ADAMTSL5: variants seen among roughly 807,000 people sequenced by gnomAD.
ADAMTSL5 encodes ADAMTS-like protein 5.
ADAMTSL5 carries 53 observed loss-of-function variants against 51.7 expected under a neutral mutation model. That is an observed-to-expected ratio of 1.03 (90% confidence interval 0.82 to 1.29). The LOEUF is 1.29. ADAMTSL5 is among the 50% of genes most tolerant of loss of function. ADAMTSL5 has a pLI of 0.00. For synonymous variants in ADAMTSL5, 285 were observed against 278.7 expected (o/e 1.02, Z -0.23); for missense variants, 770 against 676.2 (o/e 1.14, Z -1.54).
At position 1,507,394 on chromosome 19, in the gene ADAMTSL5, C is replaced by T. The variant is rs551571832; in HGVS notation, c.700G>A (p.Gly234Ser). ...CCATTAAGCACGTAGCGCCCATCGC[C>T]CCCCATCAGTGCTGCAAGGGAACAG... Reference protein sequence around the residue: ...RSRNHLALMGGDGRYVLNGHW... With the variant: ...RSRNHLALMGSDGRYVLNGHW... The change falls in exon 9 of 12, where the codon GGC becomes AGC. Residue 234 changes from glycine (G) to serine (S), a missense_variant. Coordinates refer to ENST00000330475, the MANE Select transcript of ADAMTSL5 (RefSeq NM_213604.3). The T allele has an allele frequency of 2.2e-5, 35 of 1,575,522 alleles. No individual in the cohort carries two copies. The South Asian group carries it at 3.3e-4, about 15-fold the overall frequency.
chr19:1,510,785 A>T, intron 2 of ADAMTSL5, 55 bp from the exon 3 acceptor site: 1 of 1,523,616 alleles, frequency 6.6e-7, no homozygotes, highest in South Asian at 1.2e-5. Context: ...TGGTGACCCC[A>T]CACTGCTGAC....
At position 1,507,212 on chromosome 19, in the gene ADAMTSL5, C is replaced by T. The variant is rs775177551; in HGVS notation, c.852+30G>A. The T allele has an allele frequency of 5.9e-6, 9 of 1,523,470 alleles. No homozygotes were observed. The East Asian group carries it at 1.4e-4, about 23-fold the overall frequency. The allele number at this position is 1,523,470 out of a possible 1,614,324, so 94.4% of individuals were successfully genotyped here. ...TCTCCCCTCTGTCCCCAGCCGACCCCCTCTGACCCTGTTGGAGGCCCAGTG... is the reference window on the plus strand; with the variant it reads ...TCTCCCCTCTGTCCCCAGCCGACCCTCTCTGACCCTGTTGGAGGCCCAGTG... On this transcript the variant is annotated intron_variant, in intron 9 of 11. Coordinates refer to ENST00000330475, the MANE Select transcript of ADAMTSL5 (RefSeq NM_213604.3).
At chr19:1,508,664 A>G in intron 5 of ADAMTSL5, 94 bp from the exon 6 acceptor site, 1 of 1,417,234 alleles carries the variant, frequency 7.1e-7, no homozygotes. Flanking sequence ...CTTTGGGCAG[A>G]TGAAGCCCAG....
At chr19:1,511,485 G>C (rs1224374333) in intron 1 of ADAMTSL5, 7 of 1,086,970 alleles carry the variant, frequency 6.4e-6, no homozygotes, top group Non-Finnish European at 6.9e-6. Context: ...CAATATTATT[G>C]ATATGTGTAT....
rs1276915048 is a variant in ADAMTSL5 at position 1,505,030 on chromosome 19, A to G, written c.*985T>C. ...CTGTACACACCCAGAACTTAAAGTA[A>G]AATTTTTTTTTAAAAAGTGCTTGTA... On this transcript the variant is annotated 3_prime_UTR_variant, in exon 12 of 12. Coordinates refer to ENST00000330475, the MANE Select transcript of ADAMTSL5 (RefSeq NM_213604.3). 1 of 152,164 alleles carries G rather than the reference A, an allele frequency of 6.6e-6. No individual in the cohort carries two copies. Among genetic ancestry groups the G allele is most frequent in the Non-Finnish European group, 1.5e-5 (1 of 68,056 alleles). 9.4% of individuals were successfully genotyped at this position (152,164 alleles called of 1,614,324 possible).
rs183102790 is a variant in ADAMTSL5, at chr19:1,510,626, G to C, written c.191+13C>G. 2 of 1,528,022 alleles carry C rather than the reference G, an allele frequency of 1.3e-6. No homozygotes were observed. Among genetic ancestry groups the C allele is most frequent in the Admixed American group, 4.1e-5 (2 of 48,914 alleles). 94.7% of individuals were successfully genotyped at this position (1,528,022 alleles called of 1,614,324 possible). On this transcript the variant is annotated intron_variant, in intron 3 of 11. Coordinates refer to ENST00000330475, the MANE Select transcript of ADAMTSL5 (RefSeq NM_213604.3). ...GGGAGGAGGGGCAGGGACCCCCTCC[G>C]GGCCCCGCTCACCGGAGGCAGCGCC...
rs1240423143 is a variant in ADAMTSL5, at chr19:1,507,635, C to T, written c.610G>A (p.Ala204Thr). The change falls in exon 8 of 12, where the codon GCT becomes ACT. Residue 204 changes from alanine to threonine, a missense_variant. Physicochemically the swap from Ala to Thr is moderately conservative, Grantham distance 58. Coordinates refer to ENST00000330475, the MANE Select transcript of ADAMTSL5 (RefSeq NM_213604.3). ...QRVFRDAGAF[A>T]GYWNVTLIPE... The stretch of plus-strand genomic sequence containing the variant: ...ATCAGGGTCACGTTCCAGTACCCAG[C>T]GAAGGCACCTGGGTGGGAGGGTAGG... The T allele has an allele frequency of 3.1e-6, 5 of 1,613,466 alleles. No homozygotes were observed. Among genetic ancestry groups the T allele is most frequent in the Admixed American group, 3.3e-5 (2 of 60,006 alleles).
At position 1,506,509 on chromosome 19, in the gene ADAMTSL5, G is replaced by A. The variant is rs1399689951; in HGVS notation, c.1114+81C>T. 10 of 1,525,584 alleles carry A rather than the reference G, an allele frequency of 6.6e-6. No individual in the cohort carries two copies. The highest frequency in any genetic ancestry group is 8.1e-6 in the Non-Finnish European group (9 of 1,115,678). 94.5% of individuals were successfully genotyped at this position (1,525,584 alleles called of 1,614,324 possible). A position where few individuals can be genotyped will look rare whatever the true frequency, so the allele number is the denominator to read the frequency against. ...ATTAGGATCAGAAGAAGGGGTCAAG[G>A]GTAAAGTCAGATTAGGGTCAGAGGT... On this transcript the variant is annotated intron_variant, in intron 11 of 11. Transcript: ENST00000330475. The surrounding 1 kb of genome is among the most constrained non-coding windows in gnomAD (Gnocchi z 5.6).
In ADAMTSL5 at chr19:1,505,227, G is replaced by A; in HGVS notation, c.*788C>T. On this transcript the variant is annotated 3_prime_UTR_variant, in exon 12 of 12. Coordinates refer to ENST00000330475, the MANE Select transcript of ADAMTSL5 (RefSeq NM_213604.3). ...TACAAAAAATTTAAAAGTTAGCCGG[G>A]CATGGTGATTCACACCTGGAGTTCC... is the stretch of plus-strand genomic sequence containing the variant. The A allele has an allele frequency of 6.6e-6, 1 of 152,354 alleles. No individual in the cohort carries two copies. 9.4% of individuals were successfully genotyped at this position (152,354 alleles called of 1,614,324 possible).
At position 1,506,673 on chromosome 19, in the gene ADAMTSL5, G is replaced by A. The variant is rs1912943608; in HGVS notation, c.1043-12C>T. 1 of 1,597,002 alleles carries A rather than the reference G, an allele frequency of 6.3e-7. No homozygotes were observed. Among genetic ancestry groups the A allele is most frequent in the South Asian group, 1.1e-5 (1 of 87,956 alleles). On this transcript the variant is annotated splice_polypyrimidine_tract_variant and intron_variant, in intron 10 of 11. Coordinates refer to ENST00000330475, the MANE Select transcript of ADAMTSL5 (RefSeq NM_213604.3). This position sits in a 1 kb window ranked among gnomAD's most constrained non-coding sequence, Gnocchi z 5.6. ...GGGTGGGCAGGGGTCTGTGGGATGG[G>A]CGGTGCTGTGAGGGGCACAGGCCTC...
chr19:1,507,423 G>A lies in ADAMTSL5; in HGVS notation c.689-18C>T, dbSNP rs1321324544. On this transcript the variant is annotated intron_variant, in intron 8 of 11. Coordinates refer to ENST00000330475, the MANE Select transcript of ADAMTSL5 (RefSeq NM_213604.3). ...CATCAGTGCTGCAAGGGAACAGTCAGCCCTCAGGAACCTGTCGTCTCGTCT... is the reference window on the plus strand; with the variant it reads ...CATCAGTGCTGCAAGGGAACAGTCAACCCTCAGGAACCTGTCGTCTCGTCT... 1.3e-6 allele frequency: 2 copies of A among 1,586,942 alleles called. No homozygotes were observed. Among genetic ancestry groups the A allele is most frequent in the Admixed American group, 1.7e-5 (1 of 58,094 alleles).
In ADAMTSL5 at chr19:1,506,398, T is replaced by C; in HGVS notation, c.1115-82A>G. 17 of 1,500,770 alleles carry C rather than the reference T, an allele frequency of 1.1e-5. No homozygotes were observed. The South Asian group carries it at 2.1e-4, about 19-fold the overall frequency. The allele number at this position is 1,500,770 out of a possible 1,614,324, so 93.0% of individuals were successfully genotyped here. A position where few individuals can be genotyped will look rare whatever the true frequency, so the allele number is the denominator to read the frequency against. On this transcript the variant is annotated intron_variant, in intron 11 of 11. Transcript: ENST00000330475. The surrounding 1 kb of genome is among the most constrained non-coding windows in gnomAD (Gnocchi z 5.6). ...CCCCCTCCCTTGCCAGAAGAGGGAC[T>C]GAGGGTCAGGTGGGACCTCGGGATC...
At position 1,505,846 on chromosome 19, in the gene ADAMTSL5, A is replaced by T; in HGVS notation, c.*169T>A. On this transcript the variant is annotated 3_prime_UTR_variant, in exon 12 of 12. Transcript: ENST00000330475. ...CTGCCGGCTTGTGACAGTGGCTTTGACTGCATGCAGAGGTGTCTTAAGCGT... is the reference window on the plus strand; with the variant it reads ...CTGCCGGCTTGTGACAGTGGCTTTGTCTGCATGCAGAGGTGTCTTAAGCGT... 1 of 821,050 alleles carries T rather than the reference A, an allele frequency of 1.2e-6. No homozygotes were observed. 50.9% of individuals were successfully genotyped at this position (821,050 alleles called of 1,614,324 possible).
In ADAMTSL5 at chr19:1,506,691, C is replaced by G; in HGVS notation, c.1043-30G>C. 1 of 1,578,848 alleles carries G rather than the reference C, an allele frequency of 6.3e-7. No homozygotes were observed. Among genetic ancestry groups the G allele is most frequent in the South Asian group, 1.2e-5 (1 of 85,970 alleles). On this transcript the variant is annotated intron_variant, in intron 10 of 11. Coordinates refer to ENST00000330475, the MANE Select transcript of ADAMTSL5 (RefSeq NM_213604.3). The surrounding 1 kb of genome is among the most constrained non-coding windows in gnomAD (Gnocchi z 5.6). Reference sequence around the variant, plus strand: ...GGGATGGGCGGTGCTGTGAGGGGCACAGGCCTCAGTCCCCACTCATCCCCC... The same window carrying G: ...GGGATGGGCGGTGCTGTGAGGGGCAGAGGCCTCAGTCCCCACTCATCCCCC...
At chr19:1,507,695 C>G (rs754739039) in intron 7 of ADAMTSL5, 52 bp from the exon 8 acceptor site, 2 of 1,555,556 alleles carry the variant, frequency 1.3e-6, no homozygotes, top group South Asian at 1.1e-5. Flanking sequence ...TGTATTTGAG[C>G]GATGACTTGA....
At position 1,510,405 on chromosome 19, in the gene ADAMTSL5, C is replaced by A; in HGVS notation, c.215G>T (p.Trp72Leu). 1 of 1,612,400 alleles carries A rather than the reference C, an allele frequency of 6.2e-7. No individual in the cohort carries two copies. Among genetic ancestry groups the A allele is most frequent in the African/African-American group, 1.3e-5 (1 of 75,004 alleles). The change falls in exon 4 of 12, where the codon TGG becomes TTG. Residue 72 changes from tryptophan to leucine, a missense_variant. Transcript: ENST00000330475. ...CLRLPGEEPCWGDSHEYRLCQ... is the reference protein window; with the variant it reads ...CLRLPGEEPCLGDSHEYRLCQ... ...GAGGCGGTACTCATGGGAGTCTCCC[C>A]AGCACGGTTCTTCCCCAGGAAGCCT...
intron 5 of ADAMTSL5, among the ~76,000 whole-genome samples, chr19:1,509,289 A>C (rs1261373683): frequency 6.9e-6 from 1 of 145,496 alleles, no homozygotes; most frequent in Non-Finnish European, 1.5e-5. Flanking sequence ...AGAAGATCTG[A>C]GCATCTGGCC....
At position 1,507,193 on chromosome 19, in the gene ADAMTSL5, C is replaced by A. The variant is rs375706019; in HGVS notation, c.852+49G>T. The A allele has an allele frequency of 4.6e-6, 7 of 1,516,276 alleles. No homozygotes were observed. In the African/African-American group the frequency reaches 8.4e-5, roughly 18 times the overall value. 93.9% of individuals were successfully genotyped at this position (1,516,276 alleles called of 1,614,324 possible). A position where few individuals can be genotyped will look rare whatever the true frequency, so the allele number is the denominator to read the frequency against. ...CTACCCTCTGTCCCCAGCCTCTCCC[C>A]TCTGTCCCCAGCCGACCCCCTCTGA... On this transcript the variant is annotated intron_variant, in intron 9 of 11. Coordinates refer to ENST00000330475, the MANE Select transcript of ADAMTSL5 (RefSeq NM_213604.3).
chr19:1,512,304 T>C (rs1360073047), intron 1 of ADAMTSL5, among the ~76,000 whole-genome samples: 4 of 152,084 alleles, frequency 2.6e-5, no homozygotes, highest in Non-Finnish European at 5.9e-5. Flanking sequence ...AGCTGTGTGG[T>C]CTGCTGCATC....
Sources: gnomAD v4.1 joint callset for allele counts (sites outside exome capture counted in the v4.1 genomes callset) on GRCh38, gnomAD v4.1.1 for gene constraint, Gnocchi (gnomAD v3.1) non-coding constraint, MANE v1.5 for transcripts, NCBI Gene and HGNC (gene_info 2026-07-23, HGNC 2026-07-21) for gene names.